The following DIAPH2 variants were observed in gnomAD, a reference collection of about 807,000 sequenced individuals.
DIAPH2 encodes diaphanous related formin 2.
A neutral mutation model predicts 92.7 loss-of-function variants in DIAPH2; 35 were observed. The ratio of observed to expected loss-of-function variants is 0.38; its 90% CI spans 0.29 to 0.50. The LOEUF (loss-of-function observed/expected upper bound fraction) is 0.50, where lower values mean the gene tolerates loss of function less well. Among genes scored for constraint, DIAPH2 ranks in the 20% least tolerant of loss-of-function variants. DIAPH2 has a pLI of 0.94. For missense variants in DIAPH2, 701 were observed against 819.5 expected (o/e 0.86, Z 1.77); for synonymous variants, 301 against 280.4 (o/e 1.07, Z -0.73).
intron 5 of DIAPH2, among the ~76,000 whole-genome samples, chrX:96,891,694 G>A (rs1305592949): frequency 1.8e-5 from 2 of 112,147 alleles, no homozygotes; most frequent in African/African-American, 6.5e-5. Context: ...TCACAGAATT[G>A]TGATTGCCTA....
chrX:97,084,477 A>C (rs755291575), intron 19 of DIAPH2, among the ~76,000 whole-genome samples: 1 of 111,334 alleles, frequency 9.0e-6, no homozygotes, highest in South Asian at 3.9e-4. Flanking sequence ...AATGGAAAGA[A>C]TTATCAGCAG....
At chrX:96,976,012 C>T (rs1286408468) in intron 17 of DIAPH2, among the ~76,000 whole-genome samples, 3 of 95,575 alleles carry the variant, frequency 3.1e-5, no homozygotes, top group Non-Finnish European at 4.2e-5. Flanking sequence ...TCTCTCCCTC[C>T]CTCCCTCCCT....
intron 26 of DIAPH2, among the ~76,000 whole-genome samples, chrX:97,446,049 C>A (rs2070307314): frequency 9.0e-6 from 1 of 110,790 alleles, no homozygotes; most frequent in African/African-American, 3.3e-5. Flanking sequence ...GGATGAAATT[C>A]TTGGTTGCCA....
chrX:96,829,053 T>C (rs190497590), intron 4 of DIAPH2, among the ~76,000 whole-genome samples: 1 of 112,529 alleles, frequency 8.9e-6, no homozygotes, highest in African/African-American at 3.2e-5. Context: ...TTTCCTTAAC[T>C]GGCTCTTTCT....
At chrX:97,218,526 A>G (rs757746151) in intron 22 of DIAPH2, among the ~76,000 whole-genome samples, 22 of 111,201 alleles carry the variant, frequency 2.0e-4, no homozygotes, top group Non-Finnish European at 5.7e-5. Context: ...AATTATATGC[A>G]TTTTATTCAA....
At chrX:97,472,502 T>G (rs1216616340) in intron 26 of DIAPH2, among the ~76,000 whole-genome samples, 1 of 112,389 alleles carries the variant, frequency 8.9e-6, no homozygotes, top group African/African-American at 3.2e-5. Flanking sequence ...GCAGTTACGT[T>G]TGAATATTTA....
rs188466721 is a variant in DIAPH2, at chrX:97,185,425, A to G, written c.2719+43631A>G. 6.7e-4 allele frequency among the ~76,000 whole-genome samples: 22 copies of G among 32,691 alleles called. 1 individual carries two copies. Among genetic ancestry groups the G allele is most frequent in the East Asian group, 2.6e-3 (2 of 762 alleles). The allele number at this position is 32,691 out of a possible 115,157, so 28.4% of individuals were successfully genotyped here. A position where few individuals can be genotyped will look rare whatever the true frequency, so the allele number is the denominator to read the frequency against. ...TATATATATATGTATATATATATGT[A>G]TATATATATGTGTATATATATATGT... On this transcript the variant is annotated intron_variant, in intron 22 of 26. Coordinates refer to ENST00000324765, the MANE Select transcript of DIAPH2 (RefSeq NM_006729.5).
chrX:97,368,017 C>T (rs772442441), intron 24 of DIAPH2, among the ~76,000 whole-genome samples: 18 of 112,265 alleles, frequency 1.6e-4, no homozygotes, highest in South Asian at 3.7e-4. Context: ...GGCCCTCTAT[C>T]GGTAAGTTAT....
intron 24 of DIAPH2, among the ~76,000 whole-genome samples, chrX:97,365,353 G>A (rs1033757608): frequency 2.7e-5 from 3 of 111,602 alleles, no homozygotes; most frequent in Admixed American, 9.5e-5. Context: ...GTATGCTGCT[G>A]CCAGATACTG....
At chrX:97,114,361 C>G (rs1259283780) in intron 20 of DIAPH2, among the ~76,000 whole-genome samples, 3 of 111,638 alleles carry the variant, frequency 2.7e-5, no homozygotes, top group Non-Finnish European at 5.6e-5. Flanking sequence ...CCCAACTATT[C>G]ACTCAACTCA....
intron 25 of DIAPH2, among the ~76,000 whole-genome samples, chrX:97,415,752 A>G (rs2069938387): frequency 9.0e-6 from 1 of 110,817 alleles, no homozygotes; most frequent in Non-Finnish European, 1.9e-5. Flanking sequence ...TACCTAATGT[A>G]AATGACGAGT....
chrX:97,056,482 C>T (rs777959596), intron 17 of DIAPH2, among the ~76,000 whole-genome samples: 119 of 111,856 alleles, frequency 1.1e-3, no homozygotes, highest in African/African-American at 3.5e-3. Flanking sequence ...CAGAAAACTG[C>T]CAGCAAATAA....
chrX:97,509,008 CA>C (rs1191254448), intron 26 of DIAPH2, among the ~76,000 whole-genome samples: 3 of 75,870 alleles, frequency 4.0e-5, no homozygotes, highest in African/African-American at 1.3e-4. Context: ...GAAAAGCATA[CA>C]AAGTTATTTA....
At chrX:97,460,674 A>T (rs952050823) in intron 26 of DIAPH2, among the ~76,000 whole-genome samples, 2 of 111,534 alleles carry the variant, frequency 1.8e-5, no homozygotes, top group African/African-American at 6.5e-5. Flanking sequence ...GGGGAGTCAA[A>T]CCACAGAGCA....
rs369972937 is a variant in DIAPH2 at position 96,685,149 on chromosome X, C to T, written c.91C>T (p.Arg31Trp). Residue 31 changes from arginine (R) to tryptophan (W), a missense_variant, in exon 1 of 27, where the codon CGG becomes TGG. Physicochemically the swap from Arg to Trp is moderately radical, Grantham distance 101. Transcript: ENST00000324765. ...GAGCAACAAGCGGAGCGCGGGGAAC[C>T]GGGCCGCCAATGAAGAGGAAACGAA... ...GRSNKRSAGN[R>W]AANEEETKNK... The T allele has an allele frequency of 9.9e-7, 1 of 1,014,675 alleles. No individual in the cohort carries two copies. Among genetic ancestry groups the T allele is most frequent in the African/African-American group, 2.0e-5 (1 of 50,992 alleles). 83.6% of individuals were successfully genotyped at this position (1,014,675 alleles called of 1,213,427 possible).
intron 26 of DIAPH2, among the ~76,000 whole-genome samples, chrX:97,580,123 A>G (rs2071428505): frequency 9.0e-6 from 1 of 110,518 alleles, no homozygotes; most frequent in African/African-American, 3.3e-5. Context: ...AACAGGGACA[A>G]TTTGACTTCC....
intron 4 of DIAPH2, among the ~76,000 whole-genome samples, chrX:96,803,402 A>T (rs2064599169): frequency 8.9e-6 from 1 of 111,823 alleles, no homozygotes; most frequent in African/African-American, 3.2e-5. Context: ...TTCATACAGA[A>T]AATCTGATAT....
chrX:96,847,980 C>T (rs1270396661), intron 4 of DIAPH2, among the ~76,000 whole-genome samples: 1 of 111,326 alleles, frequency 9.0e-6, no homozygotes, highest in African/African-American at 3.3e-5. Context: ...ATCCCCTTCT[C>T]TTGTTATTGG....
At chrX:97,505,993 G>T (rs1424489031) in intron 26 of DIAPH2, among the ~76,000 whole-genome samples, 1 of 110,129 alleles carries the variant, frequency 9.1e-6, no homozygotes, top group Non-Finnish European at 1.9e-5. Context: ...TTCAAGATTT[G>T]TCATAGCTAC....
Sources: allele counts gnomAD v4.1 joint callset (sites outside exome capture counted in the v4.1 genomes callset), GRCh38; gene constraint gnomAD v4.1.1; transcripts MANE v1.5; gene names NCBI Gene and HGNC (gene_info 2026-07-23, HGNC 2026-07-21).